FOXP2: variants seen among roughly 807,000 people sequenced by gnomAD.
The protein encoded by FOXP2 is forkhead box P2.
In FOXP2, 12 loss-of-function variants were observed where a neutral mutation model predicts 115.8. The ratio of observed to expected loss-of-function variants is 0.10; its 90% CI spans 0.07 to 0.17. FOXP2 has a LOEUF of 0.17. Ranked by LOEUF, FOXP2 falls within the 10% of genes least tolerant of loss-of-function variation. FOXP2 has a pLI of 1.00. For missense variants in FOXP2, 629 were observed against 843.5 expected (o/e 0.75, Z 3.15); for synonymous variants, 328 against 297.7 (o/e 1.10, Z -1.05).
intron 2 of FOXP2, among the ~76,000 whole-genome samples, chr7:114,470,873 T>G (rs1796014537): frequency 6.6e-6 from 1 of 152,076 alleles, no homozygotes; most frequent in Non-Finnish European, 1.5e-5. Flanking sequence ...GTGTTCTTGT[T>G]TTCCTTAAAC....
intron 3 of FOXP2, among the ~76,000 whole-genome samples, chr7:114,618,914 G>A (rs1452499335): frequency 1.3e-5 from 2 of 152,108 alleles, no homozygotes; most frequent in African/African-American, 4.8e-5. Context: ...GATAATTTGA[G>A]TGGTTACTGT....
intron 3 of FOXP2, among the ~76,000 whole-genome samples, chr7:114,572,039 C>T (rs1801332249): frequency 6.6e-6 from 1 of 151,722 alleles, no homozygotes; most frequent in African/African-American, 2.4e-5. Flanking sequence ...CATATACAAT[C>T]AATGTCTTCC....
intron 2 of FOXP2, among the ~76,000 whole-genome samples, chr7:114,459,682 C>A (rs917696829): frequency 6.6e-6 from 1 of 151,110 alleles, no homozygotes; most frequent in East Asian, 2.0e-4. Flanking sequence ...GTGGTGTGAT[C>A]TCGGCTCACA....
intron 2 of FOXP2, among the ~76,000 whole-genome samples, chr7:114,313,177 C>A (rs927496507): frequency 3.3e-5 from 5 of 152,176 alleles, no homozygotes; most frequent in African/African-American, 1.2e-4. Context: ...GGGTTACATT[C>A]TGTGTCTGAA....
At chr7:114,099,401 G>T (rs182089299) in intron 1 of FOXP2, among the ~76,000 whole-genome samples, 2 of 152,246 alleles carry the variant, frequency 1.3e-5, no homozygotes, top group South Asian at 2.1e-4. Context: ...TGCAGAAAAG[G>T]CACCTCTTGT....
At position 114,629,852 on chromosome 7, in the gene FOXP2, T is replaced by C. The variant is rs560720718; in HGVS notation, c.444T>C (p.Leu148=). ...FYKKQQEQLH[L]QLLQQQQQQQ... ...AGAAACAGCAAGAGCAGTTACATCT[T>C]CAGCTTTTGCAGCAGCAGCAGCAAC... The change falls in exon 5 of 17, where the codon CTT becomes CTC. Residue 148 remains leucine, a synonymous_variant. Transcript: ENST00000350908. The C allele has an allele frequency of 6.2e-7, 1 of 1,605,714 alleles. No individual in the cohort carries two copies. The highest frequency in any genetic ancestry group is 2.2e-5 in the East Asian group (1 of 44,488).
intron 1 of FOXP2, among the ~76,000 whole-genome samples, chr7:114,094,109 T>C (rs550917680): frequency 6.6e-6 from 1 of 152,194 alleles, no homozygotes; most frequent in African/African-American, 2.4e-5. Flanking sequence ...TAGATGACTT[T>C]ACTTCTTTGC....
At chr7:114,458,258 A>C (rs964072748) in intron 2 of FOXP2, among the ~76,000 whole-genome samples, 2 of 152,142 alleles carry the variant, frequency 1.3e-5, no homozygotes, top group Admixed American at 1.3e-4. Flanking sequence ...TATATGTATA[A>C]AAATTAGAAT....
intron 3 of FOXP2, among the ~76,000 whole-genome samples, chr7:114,574,463 G>A (rs1457918439): frequency 1.3e-5 from 2 of 151,348 alleles, no homozygotes; most frequent in East Asian, 3.9e-4. Context: ...TTCAAACTTC[G>A]GTACTAGGAT....
chr7:114,451,632 G>A (rs565986401), intron 2 of FOXP2, among the ~76,000 whole-genome samples: 5 of 152,032 alleles, frequency 3.3e-5, no homozygotes, highest in South Asian at 2.1e-4. Flanking sequence ...GTGCTTGCCC[G>A]CTTTGAGCTT....
chr7:114,672,469 C>G (rs373608339), intron 16 of FOXP2, among the ~76,000 whole-genome samples: 27 of 152,034 alleles, frequency 1.8e-4, no homozygotes, highest in African/African-American at 6.3e-4. Context: ...CCTGTAATCC[C>G]AGCTACTTGG....
At chr7:114,617,532 G>T (rs985849977) in intron 3 of FOXP2, among the ~76,000 whole-genome samples, 1 of 152,180 alleles carries the variant, frequency 6.6e-6, no homozygotes, top group Non-Finnish European at 1.5e-5. Flanking sequence ...GGCGGCTCAC[G>T]CGTGTAATCC....
intron 2 of FOXP2, among the ~76,000 whole-genome samples, chr7:114,481,621 C>T (rs963093564): frequency 6.6e-6 from 1 of 151,358 alleles, no homozygotes; most frequent in Non-Finnish European, 1.5e-5. Context: ...TCTACTGACT[C>T]TCTGCACTTA....
intron 1 of FOXP2, among the ~76,000 whole-genome samples, chr7:114,226,982 A>G (rs1794762234): frequency 2.0e-5 from 3 of 152,136 alleles, no homozygotes; most frequent in Admixed American, 2.0e-4. Context: ...ATACTCTAGT[A>G]TGTTGAACCA....
intron 2 of FOXP2, among the ~76,000 whole-genome samples, chr7:114,532,602 C>T (rs1174973999): frequency 2.6e-5 from 4 of 151,808 alleles, no homozygotes; most frequent in South Asian, 2.1e-4. Context: ...ATAAGGAGGT[C>T]AGATTAGATG....
chr7:114,520,911 C>G (rs1034322745), intron 2 of FOXP2, among the ~76,000 whole-genome samples: 2 of 152,028 alleles, frequency 1.3e-5, no homozygotes, highest in Non-Finnish European at 2.9e-5. Flanking sequence ...TTTGACCCAA[C>G]AATTAAACTT....
chr7:114,612,340 T>C (rs1360217500), intron 3 of FOXP2, among the ~76,000 whole-genome samples: 1 of 152,032 alleles, frequency 6.6e-6, no homozygotes, highest in African/African-American at 2.4e-5. Flanking sequence ...ACCCTTCATA[T>C]ATTCCAACTA....
chr7:114,151,218 A>T (rs1422167603), intron 1 of FOXP2, among the ~76,000 whole-genome samples: 5 of 152,018 alleles, frequency 3.3e-5, no homozygotes, highest in Non-Finnish European at 7.4e-5. Context: ...TGAATGAGCA[A>T]ATAGGCAAAA....
intron 3 of FOXP2, among the ~76,000 whole-genome samples, chr7:114,625,026 A>G (rs1436857070): frequency 6.6e-6 from 1 of 151,538 alleles, no homozygotes; most frequent in Non-Finnish European, 1.5e-5. Flanking sequence ...GTTAAGTAAT[A>G]CTTCTTGGTG....
Sources: gnomAD v4.1 joint callset for allele counts (sites outside exome capture counted in the v4.1 genomes callset) on GRCh38, gnomAD v4.1.1 for gene constraint, MANE v1.5 for transcripts, NCBI Gene and HGNC (gene_info 2026-07-23, HGNC 2026-07-21) for gene names.